The following PDE10A variants were observed in gnomAD, a reference collection of about 807,000 sequenced individuals.
The protein encoded by PDE10A is phosphodiesterase 10A.
Under a neutral mutation model 97.7 loss-of-function variants are expected in PDE10A, and 39 were observed. That is an observed-to-expected ratio of 0.40 (90% confidence interval 0.31 to 0.52). The LOEUF (loss-of-function observed/expected upper bound fraction) is 0.52, where lower values mean the gene tolerates loss of function less well. PDE10A is among the 20% of genes least tolerant of loss of function. The probability of loss-of-function intolerance (pLI) is 0.56; values close to 1 mark genes in which losing one functional copy is unlikely to be tolerated. For missense variants in PDE10A, 731 were observed against 1,047.8 expected (o/e 0.70, Z 4.17); for synonymous variants, 371 against 376.8 (o/e 0.98, Z 0.18).
chr6:165,936,392 A>G (rs1783330853), intron 1 of PDE10A, among the ~76,000 whole-genome samples: 1 of 152,226 alleles, frequency 6.6e-6, no homozygotes, highest in African/African-American at 2.4e-5. Flanking sequence ...AAGTAAGATA[A>G]TGAATGCAGA....
chr6:165,619,107 G>A (rs1188016758), intron 1 of PDE10A, among the ~76,000 whole-genome samples: 1 of 151,972 alleles, frequency 6.6e-6, no homozygotes, highest in East Asian at 1.9e-4. Flanking sequence ...GTGTAGTCTA[G>A]TGTAGTGTAG....
intron 1 of PDE10A, among the ~76,000 whole-genome samples, chr6:165,904,857 T>C: frequency 6.6e-6 from 1 of 152,206 alleles, no homozygotes. Flanking sequence ...ATCAGCAGCA[T>C]AAAATTGGTC....
At chr6:165,403,256 T>A (rs530666956) in intron 13 of PDE10A, among the ~76,000 whole-genome samples, 1 of 152,336 alleles carries the variant, frequency 6.6e-6, no homozygotes, top group East Asian at 1.9e-4. Flanking sequence ...TGTTTGATTT[T>A]GGTGATAATC....
At chr6:165,403,117 G>C (rs919511283) in intron 13 of PDE10A, among the ~76,000 whole-genome samples, 2 of 152,164 alleles carry the variant, frequency 1.3e-5, no homozygotes, top group African/African-American at 2.4e-5. Flanking sequence ...AGAATGTAAC[G>C]TTCAATGGAA....
At chr6:165,653,062 T>C (rs1789762483) in intron 1 of PDE10A, among the ~76,000 whole-genome samples, 1 of 152,214 alleles carries the variant, frequency 6.6e-6, no homozygotes, top group Non-Finnish European at 1.5e-5. Flanking sequence ...CATGAAAATA[T>C]TATAAATGAA....
intron 18 of PDE10A, among the ~76,000 whole-genome samples, chr6:165,348,338 T>G (rs1782453269): frequency 6.6e-6 from 1 of 150,626 alleles, no homozygotes; most frequent in Non-Finnish European, 1.5e-5. Context: ...TACTTTTATC[T>G]GATATCATAG....
At chr6:165,709,810 C>T (rs1166830965) in intron 1 of PDE10A, among the ~76,000 whole-genome samples, 1 of 149,540 alleles carries the variant, frequency 6.7e-6, no homozygotes, top group Non-Finnish European at 1.5e-5. Flanking sequence ...CCTCGCTGTC[C>T]TGCGGTCCCT....
chr6:165,498,423 C>A (rs1026946882), intron 2 of PDE10A, among the ~76,000 whole-genome samples: 14 of 22,878 alleles, frequency 6.1e-4, no homozygotes, highest in East Asian at 1.9e-3. Context: ...ACCCTGTCTC[C>A]AAAAAAAAAA....
chr6:165,661,873 G>A lies in PDE10A; in HGVS notation c.865+74C>T. ...CTCGACACCCGCTTCCCACCCAGCA[G>A]TCCAAGCCCCCCACCTGCCCCCAGG... On this transcript the variant is annotated intron_variant, in intron 1 of 21. Coordinates refer to ENST00000539869, the MANE Select transcript of PDE10A (RefSeq NM_001385079.1). This position sits in a 1 kb window ranked among gnomAD's most constrained non-coding sequence, Gnocchi z 4.8. 3 of 713,462 alleles carry A rather than the reference G, an allele frequency of 4.2e-6. No individual in the cohort carries two copies. The highest frequency in any genetic ancestry group is 3.2e-5 in the South Asian group (2 of 63,214). 44.2% of individuals were successfully genotyped at this position (713,462 alleles called of 1,614,324 possible).
chr6:165,969,864 G>A (rs1055216066), intron 1 of PDE10A, among the ~76,000 whole-genome samples: 1 of 152,194 alleles, frequency 6.6e-6, no homozygotes, highest in African/African-American at 2.4e-5. Flanking sequence ...AAATCAGCAA[G>A]TGAATAATTG....
chr6:165,962,112 C>T lies in PDE10A; in HGVS notation c.-615+25417G>A, dbSNP rs568310088. Among the ~76,000 whole-genome samples the T allele has an allele frequency of 6.6e-5, 10 of 152,208 alleles. No individual in the cohort carries two copies. The South Asian group carries it at 1.0e-3, about 16-fold the overall frequency. On this transcript the variant is annotated intron_variant, in intron 1 of 19. Coordinates refer to the PDE10A transcript ENST00000366882. ...CAAGGTTGCCTGGCTCATATGATGCCGCTGAGATTGGAACCCAGTTTATTT... is the reference window on the plus strand; with the variant it reads ...CAAGGTTGCCTGGCTCATATGATGCTGCTGAGATTGGAACCCAGTTTATTT...
At chr6:165,742,443 G>A (rs1178522841) in intron 1 of PDE10A, among the ~76,000 whole-genome samples, 3 of 152,148 alleles carry the variant, frequency 2.0e-5, no homozygotes, top group African/African-American at 7.2e-5. Context: ...AAGTATCCAT[G>A]AGTGGAGGAG....
intron 3 of PDE10A, among the ~76,000 whole-genome samples, chr6:165,465,903 A>C (rs1410108972): frequency 2.1e-4 from 32 of 152,340 alleles, no homozygotes; most frequent in Non-Finnish European, 1.5e-5. Flanking sequence ...AGTTTAGAGA[A>C]TGCATCTTAA....
intron 1 of PDE10A, among the ~76,000 whole-genome samples, chr6:165,705,082 C>G (rs780322118): frequency 3.9e-5 from 6 of 152,216 alleles, no homozygotes; most frequent in Non-Finnish European, 4.4e-5. Flanking sequence ...ACCACCCGCC[C>G]CCAGCATGGC....
chr6:165,380,891 C>T (rs868017734), intron 17 of PDE10A, among the ~76,000 whole-genome samples: 1 of 152,254 alleles, frequency 6.6e-6, no homozygotes, highest in Non-Finnish European at 1.5e-5. Flanking sequence ...GTAGCTCCTG[C>T]ATCAACACTG....
chr6:165,405,257 T>C (rs780612254), intron 13 of PDE10A, among the ~76,000 whole-genome samples: 8 of 152,330 alleles, frequency 5.3e-5, no homozygotes, highest in Non-Finnish European at 1.2e-4. Context: ...TCTTCCTCTG[T>C]AAGCTCAGAA....
At chr6:165,486,123 C>T (rs1562511996) in intron 2 of PDE10A, among the ~76,000 whole-genome samples, 1 of 152,170 alleles carries the variant, frequency 6.6e-6, no homozygotes, top group Non-Finnish European at 1.5e-5. Context: ...TAATGAATCA[C>T]CAATGGCACA....
At chr6:165,616,695 T>C (rs950580204) in intron 1 of PDE10A, among the ~76,000 whole-genome samples, 1 of 152,216 alleles carries the variant, frequency 6.6e-6, no homozygotes, top group African/African-American at 2.4e-5. Context: ...ATCATATTCA[T>C]AGACAACTTA....
At chr6:165,609,708 C>A (rs957898732) in intron 1 of PDE10A, among the ~76,000 whole-genome samples, 1 of 152,126 alleles carries the variant, frequency 6.6e-6, no homozygotes, top group Non-Finnish European at 1.5e-5. Context: ...TTCTTATACA[C>A]CAATAACAGA....
Sources: allele counts gnomAD v4.1 joint callset (sites outside exome capture counted in the v4.1 genomes callset), GRCh38; gene constraint gnomAD v4.1.1; non-coding constraint Gnocchi (gnomAD v3.1); transcripts MANE v1.5; gene names NCBI Gene and HGNC (gene_info 2026-07-23, HGNC 2026-07-21).